The following IL4I1 variants were observed in gnomAD, a reference collection of about 807,000 sequenced individuals.
IL4I1 encodes interleukin 4 induced 1, also known as L-amino-acid oxidase.
In IL4I1, 24 loss-of-function variants were observed where a neutral mutation model predicts 29.7. The ratio of observed to expected loss-of-function variants is 0.81; its 90% CI spans 0.59 to 1.14. The LOEUF is 1.14. IL4I1 is among the 50% of genes most tolerant of loss of function. IL4I1 has a pLI of 0.00. For synonymous variants in IL4I1, 371 were observed against 352.5 expected (o/e 1.05, Z -0.59); for missense variants, 686 against 785.6 (o/e 0.87, Z 1.52).
chr19:49,918,767 C>T (rs886361594), intron 2 of IL4I1: 1 of 152,038 alleles, frequency 6.6e-6, no homozygotes, highest in Admixed American at 6.6e-5. Flanking sequence ...CTAAATGTTC[C>T]CGTGTGCTCA....
At chr19:49,891,517 C>T in intron 5 of IL4I1, 44 bp from the exon 6 acceptor site, 1 of 1,583,934 alleles carries the variant, frequency 6.3e-7, no homozygotes, top group Non-Finnish European at 8.7e-7. Flanking sequence ...GCCCGGGCAG[C>T]CAGGGTGGAG....
intron 2 of IL4I1, chr19:49,909,176 G>A: frequency 6.2e-7 from 1 of 1,613,598 alleles, no homozygotes; most frequent in South Asian, 1.1e-5. Flanking sequence ...GATGGTGGCT[G>A]TGGGTGTGGG....
Position 49,890,092 on chromosome 19 carries a change from C to T in IL4I1, c.1282G>A (p.Gly428Arg), listed in dbSNP as rs1027343388. Residue 428 changes from glycine to arginine, a missense_variant, in exon 8 of 8, where the codon GGG (glycine) becomes AGG (arginine). Gly to Arg is a moderately radical substitution (Grantham distance 125). Transcript: ENST00000391826. Reference protein sequence around the residue: ...LALDDVAALHGPVVRQLWDGT... With the variant: ...LALDDVAALHRPVVRQLWDGT... ...TCCCAGAGCTGGCGCACGACAGGCC[C>T]GTGCAATGCCGCCACGTCGTCGAGC... 2.0e-5 allele frequency: 31 copies of T among 1,545,530 alleles called. No individual in the cohort carries two copies. Among genetic ancestry groups the T allele is most frequent in the Non-Finnish European group, 2.5e-5 (29 of 1,145,852 alleles).
Position 49,890,256 on chromosome 19 carries a change from T to TGGCC in IL4I1, c.1114_1117dup (p.His373ArgfsTer97). 1 of 1,575,926 alleles carries TGGCC rather than the reference T, an allele frequency of 6.3e-7. No individual in the cohort carries two copies. Among genetic ancestry groups the TGGCC allele is most frequent in the East Asian group, 2.4e-5 (1 of 42,346 alleles). ...GCGCGACGGGCGATCGGTGTTTGAG[T>TGGCC]GGCCGCCTTCAATGTGCTCCTCGCG... is the stretch of plus-strand genomic sequence containing the variant. On this transcript the variant is annotated frameshift_variant, in exon 8 of 8. Coordinates refer to ENST00000391826, the MANE Select transcript of IL4I1 (RefSeq NM_152899.2). LOFTEE classifies it low-confidence loss of function (END_TRUNC).
chr19:49,902,395 A>C (rs1183780756), intron 3 of IL4I1, among the ~76,000 whole-genome samples: 1 of 132,118 alleles, frequency 7.6e-6, no homozygotes, highest in Non-Finnish European at 1.6e-5. Context: ...AGTCTCGCTC[A>C]GTTGCCCAGG....
Position 49,889,994 on chromosome 19 carries a change from C to G in IL4I1, c.1380G>C (p.Ala460=), listed in dbSNP as rs1020393732. 5.1e-6 allele frequency: 8 copies of G among 1,559,332 alleles called. No homozygotes were observed. Among genetic ancestry groups the G allele is most frequent in the Non-Finnish European group, 6.9e-6 (8 of 1,151,904 alleles). The part of the protein sequence containing the change: ...SQGGFVVQPP[A]LWQTEKDDWT... ...AGTCATCCTTTTCGGTTTGCCAGAG[C>G]GCCGGCGGCTGTACCACAAAGCCAC... Residue 460 remains alanine, a synonymous_variant, in exon 8 of 8, where the codon GCG becomes GCC. Coordinates refer to ENST00000391826, the MANE Select transcript of IL4I1 (RefSeq NM_152899.2).
chr19:49,891,683 T>C (rs1452868308), intron 5 of IL4I1, among the ~76,000 whole-genome samples: 1 of 152,192 alleles, frequency 6.6e-6, no homozygotes, highest in African/African-American at 2.4e-5. Context: ...ATTACCGAAC[T>C]GTTAACGCCG....
intron 2 of IL4I1, among the ~76,000 whole-genome samples, chr19:49,919,717 C>T (rs1243007266): frequency 1.3e-5 from 2 of 152,080 alleles, no homozygotes; most frequent in African/African-American, 4.8e-5. Context: ...ACAGGAAAAA[C>T]GAATCAGCTA....
At chr19:49,899,319 G>A (rs991617524), upstream of IL4I1, among the ~76,000 whole-genome samples, 2 of 152,182 alleles carry the variant, frequency 1.3e-5, no homozygotes, top group Admixed American at 1.3e-4. Context: ...ATCACAGAGG[G>A]TTGTTGCACA....
intron 2 of IL4I1, among the ~76,000 whole-genome samples, chr19:49,914,042 G>C (rs2075554313): frequency 6.6e-6 from 1 of 152,094 alleles, no homozygotes; most frequent in South Asian, 2.1e-4. Flanking sequence ...CAAAACCACA[G>C]GGTCTGTCCA....
At chr19:49,918,300 A>G (rs2075676632) in intron 2 of IL4I1, among the ~76,000 whole-genome samples, 1 of 152,036 alleles carries the variant, frequency 6.6e-6, no homozygotes, top group Non-Finnish European at 1.5e-5. Context: ...CCTGGGCTGA[A>G]GCCATCCTCC....
intron 2 of IL4I1, among the ~76,000 whole-genome samples, chr19:49,926,744 G>T (rs774723715): frequency 6.6e-6 from 1 of 152,034 alleles, no homozygotes; most frequent in Non-Finnish European, 1.5e-5. Flanking sequence ...CTTAATTACA[G>T]CAATAACAAT....
At chr19:49,893,118 G>T (rs2075160126) in intron 5 of IL4I1, among the ~76,000 whole-genome samples, 1 of 152,192 alleles carries the variant, frequency 6.6e-6, no homozygotes, top group Non-Finnish European at 1.5e-5. Flanking sequence ...GGGTGCAGAA[G>T]GGAAGGCCAG....
At chr19:49,897,135 C>T (rs547938327), upstream of IL4I1, among the ~76,000 whole-genome samples, 13 of 152,300 alleles carry the variant, frequency 8.5e-5, no homozygotes, top group South Asian at 6.2e-4. Context: ...GTGCCAACAA[C>T]GGGGAATCCC....
intron 2 of IL4I1, among the ~76,000 whole-genome samples, chr19:49,913,458 G>C (rs372798354): frequency 6.6e-6 from 1 of 152,168 alleles, no homozygotes; most frequent in Non-Finnish European, 1.5e-5. Context: ...GTATCAGCAC[G>C]ACCTCTGGAG....
chr19:49,895,836 C>G lies in IL4I1; in HGVS notation c.231G>C (p.Val77=). 1 of 1,614,146 alleles carries G rather than the reference C, an allele frequency of 6.2e-7. No homozygotes were observed. Among genetic ancestry groups the G allele is most frequent in the Non-Finnish European group, 8.5e-7 (1 of 1,180,028 alleles). Residue 77 remains valine, a synonymous_variant, in exon 3 of 8, where the codon GTG becomes GTC. Coordinates refer to ENST00000391826, the MANE Select transcript of IL4I1 (RefSeq NM_152899.2). ...CCACCTTGTGTCCAGCATCGCTGAG[C>G]ACCTTGGCGGCCACCAGCCCGGCCA... is the stretch of plus-strand genomic sequence containing the variant. ...AGVAGLVAAK[V]LSDAGHKVTI...
intron 5 of IL4I1, 105 bp from the exon 6 acceptor site, chr19:49,891,578 T>C (rs2122505641): frequency 1.0e-6 from 1 of 992,390 alleles, no homozygotes; most frequent in Non-Finnish European, 1.6e-6. Context: ...TGCCCACGGC[T>C]GGCCATTCAC....
chr19:49,918,222 T>A (rs903666977), intron 2 of IL4I1, among the ~76,000 whole-genome samples: 2 of 152,084 alleles, frequency 1.3e-5, no homozygotes, highest in African/African-American at 4.8e-5. Context: ...TACGCCGCCA[T>A]GCCCAGCTAA....
chr19:49,899,179 A>G (rs1005608014), upstream of IL4I1, among the ~76,000 whole-genome samples: 2 of 152,184 alleles, frequency 1.3e-5, no homozygotes, highest in African/African-American at 4.8e-5. Context: ...GTTCAGTCCT[A>G]CAGCCGCATA....
Sources: gnomAD v4.1 joint callset for allele counts (sites outside exome capture counted in the v4.1 genomes callset) on GRCh38, gnomAD v4.1.1 for gene constraint, MANE v1.5 for transcripts, NCBI Gene and HGNC (gene_info 2026-07-23, HGNC 2026-07-21) for gene names.